Variants in KCTD16 observed in about 807,000 individuals in gnomAD.
KCTD16 encodes BTB/POZ domain-containing protein KCTD16.
In KCTD16, 13 loss-of-function variants were observed where a neutral mutation model predicts 33.2. The observed-to-expected ratio is 0.39, with a 90% confidence interval of 0.25 to 0.62. KCTD16 has a LOEUF of 0.62. Ranked by LOEUF, KCTD16 falls within the 20% of genes least tolerant of loss-of-function variation. KCTD16 has a pLI of 0.50. For synonymous variants in KCTD16, 197 were observed against 195.3 expected (o/e 1.01, Z -0.07); for missense variants, 441 against 525.1 (o/e 0.84, Z 1.57).
chr5:144,415,241 G>A (rs754673356), intron 3 of KCTD16, among the ~76,000 whole-genome samples: 1 of 152,074 alleles, frequency 6.6e-6, no homozygotes, highest in Non-Finnish European at 1.5e-5. Flanking sequence ...ATCCACACAT[G>A]AGGATAGTGC....
At chr5:144,344,469 A>G (rs1396031584) in intron 3 of KCTD16, among the ~76,000 whole-genome samples, 2 of 151,448 alleles carry the variant, frequency 1.3e-5, no homozygotes, top group Non-Finnish European at 2.9e-5. Flanking sequence ...ACAAAGGGCT[A>G]ATATCCAGAA....
chr5:144,302,419 T>C (rs943146109), intron 3 of KCTD16, among the ~76,000 whole-genome samples: 1 of 152,132 alleles, frequency 6.6e-6, no homozygotes, highest in Non-Finnish European at 1.5e-5. Flanking sequence ...CAAAGGAGGA[T>C]TTTATGGCAG....
intron 3 of KCTD16, among the ~76,000 whole-genome samples, chr5:144,241,506 G>A (rs17101747): frequency 0.018 from 2,776 of 152,184 alleles, 96 homozygotes; most frequent in African/African-American, 0.064. Context: ...CACTGACTTC[G>A]ATGGATATTT....
chr5:144,390,396 A>G (rs1195857452), intron 3 of KCTD16, among the ~76,000 whole-genome samples: 2 of 152,190 alleles, frequency 1.3e-5, no homozygotes, highest in African/African-American at 2.4e-5. Flanking sequence ...ATGAGAGTCT[A>G]GCTCACAACT....
intron 2 of KCTD16, among the ~76,000 whole-genome samples, chr5:144,192,016 C>T (rs1044107006): frequency 1.3e-5 from 2 of 152,046 alleles, no homozygotes; most frequent in African/African-American, 2.4e-5. Flanking sequence ...GAGAAGGGAT[C>T]AGTTTCTTAT....
At chr5:144,311,202 G>A (rs1265752111) in intron 3 of KCTD16, among the ~76,000 whole-genome samples, 1 of 152,164 alleles carries the variant, frequency 6.6e-6, no homozygotes, top group African/African-American at 2.4e-5. Flanking sequence ...GTTAATGGGT[G>A]CAGCAAACTA....
chr5:144,435,113 T>TA (rs1421763960), intron 3 of KCTD16, among the ~76,000 whole-genome samples: 5 of 152,174 alleles, frequency 3.3e-5, no homozygotes, highest in African/African-American at 1.2e-4. Context: ...TTTAGCTTCA[T>TA]AAAAAATTAC....
intron 3 of KCTD16, among the ~76,000 whole-genome samples, chr5:144,269,002 C>T (rs1477800982): frequency 1.3e-5 from 2 of 152,058 alleles, no homozygotes. Context: ...AAGAAACAAT[C>T]TGCAATCTTG....
At chr5:144,197,819 T>C (rs1752967279) in intron 2 of KCTD16, among the ~76,000 whole-genome samples, 1 of 152,210 alleles carries the variant, frequency 6.6e-6, no homozygotes, top group South Asian at 2.1e-4. Context: ...GGAATTAAGA[T>C]AGAAAATGTA....
In KCTD16 at chr5:144,468,188, T is replaced by G. The variant is rs539933142; in HGVS notation, c.833-5472T>G. 1.4e-3 allele frequency among the ~76,000 whole-genome samples: 209 copies of G among 152,330 alleles called. 2 individuals carry two copies. The highest frequency in any genetic ancestry group is 4.8e-3 in the African/African-American group (200 of 41,576). On this transcript the variant is annotated intron_variant, in intron 3 of 3. Transcript: ENST00000512467. ...CCACACAATGCCTCCTCTAAGCTTT[T>G]AGGTTCTAATAACTGCATTTTCTTT...
intron 3 of KCTD16, among the ~76,000 whole-genome samples, chr5:144,298,793 C>T (rs1396686288): frequency 6.6e-6 from 1 of 151,542 alleles, no homozygotes; most frequent in African/African-American, 2.4e-5. Flanking sequence ...CTCTGAAGTC[C>T]TCTCATCATC....
intron 3 of KCTD16, among the ~76,000 whole-genome samples, chr5:144,373,402 G>C (rs1442367642): frequency 2.6e-5 from 4 of 152,078 alleles, no homozygotes; most frequent in African/African-American, 4.8e-5. Context: ...TCTTTATTTT[G>C]TCCAAAAAAT....
chr5:144,295,295 A>T (rs1480337003), intron 3 of KCTD16, among the ~76,000 whole-genome samples: 1 of 152,338 alleles, frequency 6.6e-6, no homozygotes, highest in East Asian at 1.9e-4. Flanking sequence ...ACTGCCTGGC[A>T]TATGTAAAGC....
At chr5:144,274,548 T>C (rs1280315053) in intron 3 of KCTD16, among the ~76,000 whole-genome samples, 1 of 152,196 alleles carries the variant, frequency 6.6e-6, no homozygotes, top group African/African-American at 2.4e-5. Flanking sequence ...GAAATGTTTA[T>C]TCAGGGTCAT....
chr5:144,254,023 T>G (rs1367383960), intron 3 of KCTD16, among the ~76,000 whole-genome samples: 1 of 152,224 alleles, frequency 6.6e-6, no homozygotes, highest in Non-Finnish European at 1.5e-5. Context: ...GGCAGCTGAT[T>G]ATGAGTGTCT....
chr5:144,241,879 A>T (rs1159846291), intron 3 of KCTD16, among the ~76,000 whole-genome samples: 3 of 152,146 alleles, frequency 2.0e-5, no homozygotes, highest in South Asian at 4.1e-4. Context: ...AAAGAATCTC[A>T]TTTCAATATC....
intron 2 of KCTD16, among the ~76,000 whole-genome samples, chr5:144,185,039 T>C (rs1044185133): frequency 6.6e-6 from 1 of 152,216 alleles, no homozygotes; most frequent in Non-Finnish European, 1.5e-5. Context: ...CTAAATATCT[T>C]ACATATATTA....
At chr5:144,176,499 T>A (rs1055686865) in intron 2 of KCTD16, among the ~76,000 whole-genome samples, 4 of 148,900 alleles carry the variant, frequency 2.7e-5, no homozygotes, top group African/African-American at 7.4e-5. Context: ...GCTTCCCGGG[T>A]TCACGCCATT....
At chr5:144,407,342 G>A (rs138168233) in intron 3 of KCTD16, among the ~76,000 whole-genome samples, 7 of 151,274 alleles carry the variant, frequency 4.6e-5, no homozygotes, top group African/African-American at 1.7e-4. Flanking sequence ...TTAACATAAA[G>A]TAAAAGTTTG....
Sources: gnomAD v4.1 joint callset for allele counts (sites outside exome capture counted in the v4.1 genomes callset) on GRCh38, gnomAD v4.1.1 for gene constraint, MANE v1.5 for transcripts, NCBI Gene and HGNC (gene_info 2026-07-23, HGNC 2026-07-21) for gene names.